The following PACRG variants were observed in gnomAD, a reference collection of about 807,000 sequenced individuals.
PACRG encodes the protein parkin coregulated gene protein.
PACRG carries 29 observed loss-of-function variants against 29.7 expected under a neutral mutation model. The observed-to-expected ratio is 0.98, with a 90% confidence interval of 0.73 to 1.33. The LOEUF (loss-of-function observed/expected upper bound fraction) is 1.33. Ranked by LOEUF, PACRG falls within the 40% of genes most tolerant of loss-of-function variation. The probability of loss-of-function intolerance (pLI) is 0.00; values close to 1 mark genes in which losing one functional copy is unlikely to be tolerated. For synonymous variants in PACRG, 116 were observed against 118.7 expected, an observed-to-expected ratio of 0.98 and a Z score of 0.15; for missense variants, 279 against 316.2, an observed-to-expected ratio of 0.88 and a Z score of 0.89.
At chr6:163,054,704 G>A (rs561804076) in intron 2 of PACRG, among the ~76,000 whole-genome samples, 1 of 152,248 alleles carries the variant, frequency 6.6e-6, no homozygotes, top group East Asian at 1.9e-4. Flanking sequence ...CAGAGTCCCT[G>A]CTAGGGTGCT....
chr6:162,910,077 C>T (rs1796204960), intron 2 of PACRG, among the ~76,000 whole-genome samples: 2 of 152,182 alleles, frequency 1.3e-5, no homozygotes, highest in African/African-American at 4.8e-5. Flanking sequence ...AGCACCTAAC[C>T]TTCTGTGCCT....
intron 1 of PACRG, among the ~76,000 whole-genome samples, chr6:162,756,059 G>A (rs527871860): frequency 4.9e-4 from 74 of 152,002 alleles, no homozygotes; most frequent in African/African-American, 1.8e-3. Flanking sequence ...TGGTTTTGTG[G>A]CCTAACATGG....
At chr6:163,186,534 C>T (rs1779943601) in intron 4 of PACRG, among the ~76,000 whole-genome samples, 1 of 152,202 alleles carries the variant, frequency 6.6e-6, no homozygotes, top group African/African-American at 2.4e-5. Flanking sequence ...GCTGTGCCCA[C>T]AGTCTCATCT....
chr6:163,299,682 T>C (rs1242394575), intron 4 of PACRG, among the ~76,000 whole-genome samples: 5 of 152,110 alleles, frequency 3.3e-5, no homozygotes, highest in Non-Finnish European at 2.9e-5. Flanking sequence ...AGTTCGAGAC[T>C]AGCCTGGCCA....
intron 1 of PACRG, among the ~76,000 whole-genome samples, chr6:162,735,462 C>T (rs1343697709): frequency 6.6e-6 from 1 of 152,106 alleles, no homozygotes; most frequent in Non-Finnish European, 1.5e-5. Context: ...ATATCCTTGT[C>T]ATTTGAATAT....
At chr6:162,963,834 TATTCTATTTC>T (rs1800825058) in intron 2 of PACRG, among the ~76,000 whole-genome samples, 1 of 152,158 alleles carries the variant, frequency 6.6e-6, no homozygotes, top group Non-Finnish European at 1.5e-5. Context: ...TTTATTTTGC[TATTCTATTTC>T]ATTGCAATTG....
At chr6:162,806,018 T>A (rs1786287840) in intron 1 of PACRG, among the ~76,000 whole-genome samples, 1 of 152,172 alleles carries the variant, frequency 6.6e-6, no homozygotes, top group African/African-American at 2.4e-5. Context: ...ATCCTGAATC[T>A]TTTGCAGAAT....
Position 163,212,924 on chromosome 6 carries a change from A to G in PACRG, c.614-101903A>G, listed in dbSNP as rs539036828. Among the ~76,000 whole-genome samples the G allele has an allele frequency of 1.7e-3, 266 of 152,094 alleles. 2 individuals are homozygous for G. The South Asian group carries it at 0.027, about 16-fold the overall frequency. ...CTCCCGAGTAGCTGGAACTACAGGC[A>G]CCCACCACCACGCCCAGCTAATTTT... On this transcript the variant is annotated intron_variant, in intron 4 of 4. Transcript: ENST00000366888.
intron 4 of PACRG, among the ~76,000 whole-genome samples, chr6:163,093,823 A>C (rs949903345): frequency 9.2e-5 from 14 of 152,230 alleles, no homozygotes; most frequent in Non-Finnish European, 2.1e-4. Flanking sequence ...TAGACTAATA[A>C]AAAGTTCATT....
chr6:162,771,089 A>G (rs1261762053), intron 1 of PACRG, among the ~76,000 whole-genome samples: 1 of 152,190 alleles, frequency 6.6e-6, no homozygotes, highest in Non-Finnish European at 1.5e-5. Flanking sequence ...ATAGAATACA[A>G]ACTCTGAAAG....
intron 2 of PACRG, among the ~76,000 whole-genome samples, chr6:162,823,763 T>A (rs929364200): frequency 1.3e-5 from 2 of 152,184 alleles, no homozygotes; most frequent in Admixed American, 1.3e-4. Context: ...TCCGCCTGCC[T>A]AGGCCTCCCA....
In PACRG at chr6:162,874,227, A is replaced by G. The variant is rs145733027; in HGVS notation, c.291+59946A>G. 5.9e-3 allele frequency among the ~76,000 whole-genome samples: 894 copies of G among 151,418 alleles called. 7 individuals carry two copies. Among genetic ancestry groups the G allele is most frequent in the African/African-American group, 0.021 (853 of 41,310 alleles). The stretch of plus-strand genomic sequence containing the variant: ...AATAGTTGAGTTTTTTTGTAACTTT[A>G]CTTCCTCCCCTCCAAATTCTGAGAT... On this transcript the variant is annotated intron_variant, in intron 2 of 4. Transcript: ENST00000366888.
At chr6:162,923,832 G>T (rs1025920205) in intron 2 of PACRG, among the ~76,000 whole-genome samples, 2 of 151,626 alleles carry the variant, frequency 1.3e-5, no homozygotes, top group African/African-American at 4.8e-5. Flanking sequence ...ATTTTCTTTT[G>T]TTTTGCTCAG....
intron 1 of PACRG, among the ~76,000 whole-genome samples, chr6:162,787,914 A>G (rs1784637960): frequency 6.6e-6 from 1 of 150,740 alleles, no homozygotes; most frequent in Non-Finnish European, 1.5e-5. Context: ...TATTTTTTAG[A>G]GCAGTTTCAG....
chr6:162,728,334 GCCT>G lies in PACRG; in HGVS notation c.101_103del (p.Pro34del). The G allele has an allele frequency of 2.5e-6, 4 of 1,614,010 alleles. No homozygotes were observed. The highest frequency in any genetic ancestry group is 3.4e-6 in the Non-Finnish European group (4 of 1,180,036). ...CACAACAGCCGCTCCCGGTGCACCA[GCCT>G]CACTCTCTGGTTTCTGAGGGTTTCA... is the stretch of plus-strand genomic sequence containing the variant. On this transcript the variant is annotated inframe_deletion, in exon 1 of 5. Transcript: ENST00000366888.
At chr6:162,735,406 T>C (rs1780089157) in intron 1 of PACRG, among the ~76,000 whole-genome samples, 1 of 152,148 alleles carries the variant, frequency 6.6e-6, no homozygotes, top group Non-Finnish European at 1.5e-5. Context: ...ATAATTAATA[T>C]TTTCTTTATT....
At chr6:162,758,221 A>G (rs574170023) in intron 1 of PACRG, among the ~76,000 whole-genome samples, 1 of 152,016 alleles carries the variant, frequency 6.6e-6, no homozygotes, top group South Asian at 2.1e-4. Context: ...ATTTTTCTTG[A>G]TCTATTACCT....
intron 1 of PACRG, among the ~76,000 whole-genome samples, chr6:162,780,233 A>G (rs183310340): frequency 4.3e-4 from 65 of 152,298 alleles, no homozygotes; most frequent in African/African-American, 1.5e-3. Context: ...TTCAAGGGGC[A>G]TTGAGTAGAG....
At chr6:162,778,530 T>C (rs2128310883) in intron 1 of PACRG, among the ~76,000 whole-genome samples, 1 of 152,298 alleles carries the variant, frequency 6.6e-6, no homozygotes, top group East Asian at 1.9e-4. Flanking sequence ...AACTTAGAGG[T>C]TGCGGAGAAT....
Sources: gnomAD v4.1 joint callset for allele counts (sites outside exome capture counted in the v4.1 genomes callset) on GRCh38, gnomAD v4.1.1 for gene constraint, MANE v1.5 for transcripts, NCBI Gene and HGNC (gene_info 2026-07-23, HGNC 2026-07-21) for gene names.